IMPA2: variants seen among roughly 807,000 people sequenced by gnomAD.
IMPA2 encodes the protein inositol monophosphatase 2, also known as IMP 2.
In IMPA2, 32 loss-of-function variants were observed where a neutral mutation model predicts 35.1. That is an observed-to-expected ratio of 0.91 (90% CI 0.69 to 1.23). The LOEUF (loss-of-function observed/expected upper bound fraction) is 1.23. Among genes scored for constraint, IMPA2 ranks in the 50% most tolerant of loss-of-function variants. The pLI is 0.00. For synonymous variants in IMPA2, 135 were observed against 160.6 expected (o/e 0.84, Z 1.20); for missense variants, 334 against 387.6 (o/e 0.86, Z 1.16).
chr18:12,001,596 C>T lies in IMPA2; in HGVS notation c.230+2409C>T, dbSNP rs142104210. Among the ~76,000 whole-genome samples, 239 of 152,236 alleles carry T rather than the reference C, an allele frequency of 1.6e-3. 5 individuals are homozygous for T. The highest frequency in any genetic ancestry group is 2.5e-3 in the Non-Finnish European group (170 of 68,016). Reference sequence around the variant, plus strand: ...TTTGTAAAAGGTAAATTTAGATACTCGCTGTTGTGTACACAAGGTAAAAGT... The same window carrying T: ...TTTGTAAAAGGTAAATTTAGATACTTGCTGTTGTGTACACAAGGTAAAAGT... On this transcript the variant is annotated intron_variant, in intron 2 of 7. Transcript: ENST00000269159.
intron 1 of IMPA2, 23 bp downstream of exon 1, chr18:11,981,788 G>T: frequency 3.3e-6 from 4 of 1,218,984 alleles, no homozygotes; most frequent in Non-Finnish European, 4.1e-6. Context: ...GCTGGGCTCG[G>T]AAGTCCGGGC....
chr18:12,028,430 C>G (rs756559703), intron 6 of IMPA2: 170 of 475,180 alleles, frequency 3.6e-4, no homozygotes, highest in Non-Finnish European at 5.6e-4. Context: ...CAAATACTTA[C>G]AGTCCTTCCC....
At position 12,013,667 on chromosome 18, in the gene IMPA2, A is replaced by T. The variant is rs555922145; in HGVS notation, c.382-598A>T. On this transcript the variant is annotated intron_variant, in intron 4 of 7. Coordinates refer to ENST00000269159, the MANE Select transcript of IMPA2 (RefSeq NM_014214.3). ...TGGGCTGCCGTCCTTTTCCACGCTG[A>T]CCTCTTCCTTTTGCTGCTTCATCCT... is the stretch of plus-strand genomic sequence containing the variant. Among the ~76,000 whole-genome samples the T allele has an allele frequency of 3.3e-5, 5 of 152,082 alleles. No homozygotes were observed. In the South Asian group the frequency reaches 1.0e-3, roughly 32 times the overall value.
intron 1 of IMPA2, among the ~76,000 whole-genome samples, chr18:11,992,260 G>A (rs1906837077): frequency 6.6e-6 from 1 of 152,252 alleles, no homozygotes. Context: ...TAAACATGGG[G>A]CGTGTCGTCA....
At chr18:12,024,558 AT>A (rs1907826047) in intron 5 of IMPA2, among the ~76,000 whole-genome samples, 1 of 152,152 alleles carries the variant, frequency 6.6e-6, no homozygotes, top group Non-Finnish European at 1.5e-5. Flanking sequence ...ATAGGGTGGG[AT>A]TAGACAAGAT....
intron 1 of IMPA2, among the ~76,000 whole-genome samples, chr18:11,987,364 T>A (rs1476717232): frequency 6.6e-6 from 1 of 152,212 alleles, no homozygotes; most frequent in Non-Finnish European, 1.5e-5. Context: ...GACGTCTAGC[T>A]CTCTCGCTCA....
intron 5 of IMPA2, among the ~76,000 whole-genome samples, chr18:12,015,894 T>A (rs1907564003): frequency 6.6e-6 from 1 of 152,176 alleles, no homozygotes; most frequent in African/African-American, 2.4e-5. Context: ...TAACATGCTC[T>A]TGGCATCCTG....
chr18:11,984,479 C>G (rs1188336175), intron 1 of IMPA2, among the ~76,000 whole-genome samples: 1 of 152,256 alleles, frequency 6.6e-6, no homozygotes, highest in Non-Finnish European at 1.5e-5. Flanking sequence ...TTTCAAATCC[C>G]CCCGCGGAGC....
chr18:12,025,991 C>T (rs1907871775), intron 5 of IMPA2, among the ~76,000 whole-genome samples: 2 of 151,564 alleles, frequency 1.3e-5, no homozygotes, highest in Non-Finnish European at 2.9e-5. Context: ...TTTAATTTAA[C>T]ACGCATTCCC....
intron 6 of IMPA2, chr18:12,028,410 G>C: frequency 2.0e-6 from 1 of 506,504 alleles, no homozygotes; most frequent in Non-Finnish European, 3.5e-6. Flanking sequence ...TGCTCAACCA[G>C]CGAATGGTGC....
At chr18:11,997,149 C>T (rs1387722785) in intron 1 of IMPA2, among the ~76,000 whole-genome samples, 1 of 152,242 alleles carries the variant, frequency 6.6e-6, no homozygotes. Flanking sequence ...TGCCGAAGGC[C>T]TGTCTGGCCA....
intron 2 of IMPA2, among the ~76,000 whole-genome samples, chr18:12,004,715 G>A (rs916824311): frequency 3.3e-5 from 5 of 152,056 alleles, no homozygotes; most frequent in African/African-American, 1.2e-4. Flanking sequence ...AGTAGAGACG[G>A]GGTTTCACCA....
intron 5 of IMPA2, among the ~76,000 whole-genome samples, chr18:12,024,011 C>G (rs1907807192): frequency 6.6e-6 from 1 of 152,194 alleles, no homozygotes; most frequent in Non-Finnish European, 1.5e-5. Context: ...CGAAAAAAAT[C>G]AGTATGACTG....
intron 2 of IMPA2, among the ~76,000 whole-genome samples, chr18:12,003,066 G>A (rs370175304): frequency 2.6e-5 from 4 of 151,764 alleles, no homozygotes; most frequent in African/African-American, 7.3e-5. Flanking sequence ...ATGGTAGTGC[G>A]TGCCTGTAAT....
At chr18:12,003,383 C>G (rs973809947) in intron 2 of IMPA2, among the ~76,000 whole-genome samples, 1 of 151,942 alleles carries the variant, frequency 6.6e-6, no homozygotes. Flanking sequence ...CAGAGGCTCA[C>G]ACCTGTAATC....
At chr18:11,986,028 G>C (rs1239567504) in intron 1 of IMPA2, among the ~76,000 whole-genome samples, 1 of 152,196 alleles carries the variant, frequency 6.6e-6, no homozygotes, top group Non-Finnish European at 1.5e-5. Flanking sequence ...GCAGGCAAGT[G>C]GGGGCCTTGA....
chr18:12,022,101 A>T (rs1047597437), intron 5 of IMPA2, among the ~76,000 whole-genome samples: 9 of 152,184 alleles, frequency 5.9e-5, no homozygotes, highest in Non-Finnish European at 1.2e-4. Context: ...GACATTAATT[A>T]TAGTCACAAT....
chr18:12,021,413 C>G (rs956614127), intron 5 of IMPA2, among the ~76,000 whole-genome samples: 2 of 152,050 alleles, frequency 1.3e-5, no homozygotes, highest in African/African-American at 4.8e-5. Flanking sequence ...AAACAACACA[C>G]TGATGAAAGT....
chr18:12,013,580 G>A (rs1907492441), intron 4 of IMPA2, among the ~76,000 whole-genome samples: 1 of 152,182 alleles, frequency 6.6e-6, no homozygotes, highest in Admixed American at 6.5e-5. Context: ...AAGCATGCTG[G>A]CCCTTGTTAA....
Sources: allele counts gnomAD v4.1 joint callset (sites outside exome capture counted in the v4.1 genomes callset), GRCh38; gene constraint gnomAD v4.1.1; transcripts MANE v1.5; gene names NCBI Gene and HGNC (gene_info 2026-07-23, HGNC 2026-07-21).